Variants in BANK1 observed in about 807,000 individuals in gnomAD.
The protein encoded by BANK1 is B-cell scaffold protein with ankyrin repeats.
In BANK1, 95 loss-of-function variants were observed where a neutral mutation model predicts 94.5. That is an observed-to-expected ratio of 1.00 (90% CI 0.85 to 1.19). The LOEUF (loss-of-function observed/expected upper bound fraction) is 1.19. BANK1 is among the 50% of genes most tolerant of loss of function. The pLI, the probability that BANK1 is intolerant of heterozygous loss-of-function variation, is 0.00. For missense variants in BANK1, 987 were observed against 932.2 expected (o/e 1.06, Z -0.77); for synonymous variants, 334 against 308.4 (o/e 1.08, Z -0.87).
chr4:101,978,661 G>A (rs896609420), intron 7 of BANK1, among the ~76,000 whole-genome samples: 14 of 151,694 alleles, frequency 9.2e-5, no homozygotes, highest in African/African-American at 1.5e-4. Flanking sequence ...ATCAGTGACC[G>A]ACCGTAATTT....
intron 6 of BANK1, among the ~76,000 whole-genome samples, chr4:101,906,171 C>T (rs893518675): frequency 2.0e-5 from 3 of 152,130 alleles, no homozygotes; most frequent in South Asian, 2.1e-4. Flanking sequence ...AAGACAAGCT[C>T]GTGTAAGAGT....
At chr4:102,002,415 GA>G (rs1283526206) in intron 7 of BANK1, among the ~76,000 whole-genome samples, 2 of 151,020 alleles carry the variant, frequency 1.3e-5, no homozygotes, top group South Asian at 2.1e-4. Context: ...TAGTTTTGAA[GA>G]AAAAAAATGT....
intron 1 of BANK1, among the ~76,000 whole-genome samples, chr4:101,811,987 A>G (rs1725744130): frequency 6.6e-6 from 1 of 152,070 alleles, no homozygotes; most frequent in Non-Finnish European, 1.5e-5. Flanking sequence ...AATAATCATT[A>G]AATAACTATT....
At chr4:102,020,220 T>C (rs1726848335) in intron 7 of BANK1, among the ~76,000 whole-genome samples, 1 of 152,120 alleles carries the variant, frequency 6.6e-6, no homozygotes, top group African/African-American at 2.4e-5. Flanking sequence ...CTATGGGTTT[T>C]CAAAATATAT....
Position 101,917,973 on chromosome 4 carries a change from A to G in BANK1, c.1010-20A>G, listed in dbSNP as rs1444766813. The G allele has an allele frequency of 1.3e-6, 2 of 1,536,236 alleles. No homozygotes were observed. Among genetic ancestry groups the G allele is most frequent in the South Asian group, 1.2e-5 (1 of 83,022 alleles). On this transcript the variant is annotated intron_variant, in intron 6 of 16. Transcript: ENST00000322953. ...CAATAAAATGAAAACATTAAATCCT[A>G]CTACTTCTTATGCTTACAGATACTC...
chr4:102,072,252 C>T (rs895525216), intron 14 of BANK1, 93 bp from the exon 15 acceptor site: 14 of 1,104,204 alleles, frequency 1.3e-5, no homozygotes, highest in Non-Finnish European at 1.9e-5. Context: ...CCATATCTTA[C>T]CTTTGTAGAA....
chr4:101,916,563 A>G (rs1253780145), intron 6 of BANK1, among the ~76,000 whole-genome samples: 3 of 152,142 alleles, frequency 2.0e-5, no homozygotes, highest in South Asian at 2.1e-4. Context: ...ATTATCAGCC[A>G]TCTTTGTAGA....
chr4:101,902,923 A>G (rs886091814), intron 6 of BANK1, among the ~76,000 whole-genome samples: 3 of 152,226 alleles, frequency 2.0e-5, no homozygotes, highest in African/African-American at 7.2e-5. Context: ...GCAGTTGGGT[A>G]AATAAAGTCA....
chr4:101,897,405 T>C (rs1274323319), intron 6 of BANK1, among the ~76,000 whole-genome samples: 1 of 152,026 alleles, frequency 6.6e-6, no homozygotes, highest in Non-Finnish European at 1.5e-5. Context: ...CCTCTCGGTA[T>C]ACTGTTTAGG....
At chr4:101,875,193 G>A (rs1315387776) in intron 5 of BANK1, among the ~76,000 whole-genome samples, 1 of 133,234 alleles carries the variant, frequency 7.5e-6, no homozygotes, top group Non-Finnish European at 1.6e-5. Context: ...GATCCTCTGG[G>A]AGCAGGTGTG....
intron 7 of BANK1, among the ~76,000 whole-genome samples, chr4:102,012,199 C>G (rs1039678612): frequency 6.6e-6 from 1 of 152,056 alleles, no homozygotes; most frequent in Non-Finnish European, 1.5e-5. Context: ...ATATTGAATA[C>G]CCTTATGAAG....
At chr4:102,003,777 C>T (rs987067783) in intron 7 of BANK1, among the ~76,000 whole-genome samples, 6 of 151,840 alleles carry the variant, frequency 4.0e-5, no homozygotes, top group Non-Finnish European at 5.9e-5. Context: ...CATATGCATA[C>T]ACACAGATAT....
rs1245350525 is a variant in BANK1 at position 101,853,838 on chromosome 4, GATGAGGCTACAGCTGGA to G, written c.470-1194_470-1178del. Among the ~76,000 whole-genome samples, 66 of 152,242 alleles carry G rather than the reference GATGAGGCTACAGCTGGA, an allele frequency of 4.3e-4. 1 individual carries two copies. Among genetic ancestry groups the G allele is most frequent in the African/African-American group, 1.3e-3 (55 of 41,552 alleles). Reference sequence around the variant, plus strand: ...ACCGCGTAGAGGGCAGGAGAAATGAGATGAGGCTACAGCTGGAATTGCTAAAGAAGCAGTCATTCATA... The same window carrying G: ...ACCGCGTAGAGGGCAGGAGAAATGAGATTGCTAAAGAAGCAGTCATTCATA... On this transcript the variant is annotated intron_variant, in intron 2 of 16. Transcript: ENST00000322953.
At chr4:102,053,960 A>G (rs1047020535) in intron 11 of BANK1, among the ~76,000 whole-genome samples, 14 of 151,986 alleles carry the variant, frequency 9.2e-5, no homozygotes, top group African/African-American at 3.4e-4. Context: ...GTATATATGT[A>G]TATACAAATA....
intron 7 of BANK1, among the ~76,000 whole-genome samples, chr4:101,922,401 T>G (rs1454730513): frequency 6.6e-6 from 1 of 151,870 alleles, no homozygotes; most frequent in Non-Finnish European, 1.5e-5. Flanking sequence ...GCTTTGCTTA[T>G]GTAGTTTTTC....
At chr4:101,837,021 A>G (rs1361895395) in intron 2 of BANK1, among the ~76,000 whole-genome samples, 1 of 152,034 alleles carries the variant, frequency 6.6e-6, no homozygotes, top group Non-Finnish European at 1.5e-5. Context: ...TTTCCTCCCA[A>G]TTTTTCTAAA....
At chr4:101,828,114 G>A (rs1443421571) in intron 1 of BANK1, among the ~76,000 whole-genome samples, 1 of 147,082 alleles carries the variant, frequency 6.8e-6, no homozygotes, top group East Asian at 2.0e-4. Context: ...TAAATTTTGG[G>A]GCTTTTTTCC....
chr4:101,995,493 C>T (rs1029581800), intron 7 of BANK1, among the ~76,000 whole-genome samples: 97 of 152,014 alleles, frequency 6.4e-4, no homozygotes, highest in African/African-American at 2.2e-3. Context: ...ATGGTATTTC[C>T]AGTTCTAGAT....
chr4:101,905,493 T>G (rs1271719041), intron 6 of BANK1, among the ~76,000 whole-genome samples: 1 of 152,228 alleles, frequency 6.6e-6, no homozygotes, highest in Non-Finnish European at 1.5e-5. Flanking sequence ...CCCAATGTTT[T>G]CCTTTTTTAC....
Sources: allele counts gnomAD v4.1 joint callset (sites outside exome capture counted in the v4.1 genomes callset), GRCh38; gene constraint gnomAD v4.1.1; transcripts MANE v1.5; gene names NCBI Gene and HGNC (gene_info 2026-07-23, HGNC 2026-07-21).